The following DPYD variants were observed in gnomAD, a reference collection of about 807,000 sequenced individuals.
The protein encoded by DPYD is dihydropyrimidine dehydrogenase.
A neutral mutation model predicts 116.2 loss-of-function variants in DPYD; 109 were observed. That is an observed-to-expected ratio of 0.94 (90% CI 0.80 to 1.10). The LOEUF (loss-of-function observed/expected upper bound fraction) is 1.10. Ranked by LOEUF, DPYD falls within the 50% of genes least tolerant of loss-of-function variation. The probability of loss-of-function intolerance (pLI) is 0.00; values close to 1 mark genes in which losing one functional copy is unlikely to be tolerated. For synonymous variants in DPYD, 440 were observed against 432.0 expected (o/e 1.02, Z -0.23); for missense variants, 1,302 against 1,254.5 (o/e 1.04, Z -0.57).
chr1:97,866,378 G>C (rs982645247), intron 2 of DPYD, among the ~76,000 whole-genome samples: 9 of 151,872 alleles, frequency 5.9e-5, no homozygotes, highest in African/African-American at 2.2e-4. Context: ...AGAAGCAAAT[G>C]AATTTGAAAA....
At chr1:97,131,872 T>C (rs1252051100) in intron 20 of DPYD, among the ~76,000 whole-genome samples, 2 of 152,216 alleles carry the variant, frequency 1.3e-5, no homozygotes, top group Non-Finnish European at 2.9e-5. Context: ...GGGTTACCTT[T>C]TTTTGTATTT....
At chr1:97,349,315 CT>C (rs150046527) in intron 16 of DPYD, among the ~76,000 whole-genome samples, 8,071 of 137,284 alleles carry the variant, frequency 0.059, 606 homozygotes, top group East Asian at 0.28. Context: ...AGCAATGATT[CT>C]TTTTTTTTTT....
chr1:97,838,652 T>C (rs1309975330), intron 2 of DPYD, among the ~76,000 whole-genome samples: 1 of 151,710 alleles, frequency 6.6e-6, no homozygotes, highest in African/African-American at 2.4e-5. Context: ...GAGACCATCC[T>C]GGCTAACAAG....
intron 20 of DPYD, among the ~76,000 whole-genome samples, chr1:97,107,191 G>T (rs141590194): frequency 6.6e-6 from 1 of 151,986 alleles, no homozygotes; most frequent in African/African-American, 2.4e-5. Flanking sequence ...CCACCTCTTT[G>T]TTGGTCATCT....
chr1:97,674,252 G>GA (rs1281720805), intron 8 of DPYD, among the ~76,000 whole-genome samples: 1 of 152,116 alleles, frequency 6.6e-6, no homozygotes, highest in East Asian at 1.9e-4. Context: ...ACTTGGTGTT[G>GA]AAAAAGACTA....
At chr1:97,398,503 A>G (rs912113792) in intron 14 of DPYD, among the ~76,000 whole-genome samples, 3 of 151,760 alleles carry the variant, frequency 2.0e-5, no homozygotes, top group Non-Finnish European at 4.4e-5. Flanking sequence ...CTAGTTCTAG[A>G]TCCCTGAGGA....
chr1:97,524,621 T>A lies in DPYD; in HGVS notation c.1525-8680A>T, dbSNP rs553576835. ...CCAAGAATATTTCTGGATGTTTCAG[T>A]TACTGAGCATCCAGGAAGCCTCACC... On this transcript the variant is annotated intron_variant, in intron 12 of 22. Transcript: ENST00000370192. Among the ~76,000 whole-genome samples, 16 of 152,316 alleles carry A rather than the reference T, an allele frequency of 1.1e-4. No individual in the cohort carries two copies. In the South Asian group the frequency reaches 3.1e-3, roughly 30 times the overall value.
chr1:97,814,526 A>G (rs1668484116), intron 3 of DPYD, among the ~76,000 whole-genome samples: 1 of 152,192 alleles, frequency 6.6e-6, no homozygotes, highest in Non-Finnish European at 1.5e-5. Flanking sequence ...TAGCTTTAAC[A>G]GGAATTTTTA....
chr1:97,852,991 C>T (rs1186885414), intron 2 of DPYD, among the ~76,000 whole-genome samples: 1 of 152,156 alleles, frequency 6.6e-6, no homozygotes, highest in Admixed American at 6.5e-5. Flanking sequence ...CATGACATCA[C>T]TTCTAGGCAG....
intron 20 of DPYD, among the ~76,000 whole-genome samples, chr1:97,113,473 T>C (rs1422868458): frequency 2.0e-5 from 3 of 152,122 alleles, no homozygotes; most frequent in Non-Finnish European, 4.4e-5. Context: ...GGGGGGATTA[T>C]GTGTGGAATT....
At chr1:97,535,287 CT>C (rs1649912560) in intron 12 of DPYD, among the ~76,000 whole-genome samples, 1 of 152,116 alleles carries the variant, frequency 6.6e-6, no homozygotes, top group East Asian at 1.9e-4. Context: ...TATTTAAATT[CT>C]CCACAGCAAA....
chr1:97,273,959 T>A (rs749362545), intron 18 of DPYD, among the ~76,000 whole-genome samples: 1 of 152,140 alleles, frequency 6.6e-6, no homozygotes, highest in Non-Finnish European at 1.5e-5. Context: ...CAGGGTAAAG[T>A]TGAAGGAAAC....
At chr1:97,571,639 C>T (rs887625340) in intron 11 of DPYD, among the ~76,000 whole-genome samples, 2 of 151,822 alleles carry the variant, frequency 1.3e-5, no homozygotes, top group Non-Finnish European at 2.9e-5. Flanking sequence ...AGGTACCATC[C>T]AGAAATGACA....
intron 12 of DPYD, among the ~76,000 whole-genome samples, chr1:97,518,204 G>C (rs375331276): frequency 8.0e-4 from 115 of 144,408 alleles, no homozygotes; most frequent in Admixed American, 1.5e-3. Flanking sequence ...CACACACACA[G>C]ACACAATTCT....
At chr1:97,182,286 T>G (rs1323572088) in intron 20 of DPYD, among the ~76,000 whole-genome samples, 4 of 152,160 alleles carry the variant, frequency 2.6e-5, no homozygotes, top group Non-Finnish European at 5.9e-5. Context: ...GCATTCTACT[T>G]AAGATATCAC....
At chr1:97,572,828 C>T (rs1309607144) in intron 11 of DPYD, among the ~76,000 whole-genome samples, 1 of 151,884 alleles carries the variant, frequency 6.6e-6, no homozygotes, top group Non-Finnish European at 1.5e-5. Context: ...CTAGTTGAAT[C>T]CTTTACTTAT....
chr1:97,502,849 T>TA (rs989524120), intron 13 of DPYD, among the ~76,000 whole-genome samples: 24 of 152,020 alleles, frequency 1.6e-4, no homozygotes, highest in African/African-American at 4.8e-4. Flanking sequence ...TATATTTATT[T>TA]AAAAAAAATT....
At chr1:97,472,060 C>A (rs932297957) in intron 13 of DPYD, among the ~76,000 whole-genome samples, 2 of 146,742 alleles carry the variant, frequency 1.4e-5, no homozygotes, top group African/African-American at 2.5e-5. Flanking sequence ...GGAAAAGAGT[C>A]ATACAAAAAA....
At chr1:97,478,751 T>C (rs922305710) in intron 13 of DPYD, among the ~76,000 whole-genome samples, 4 of 152,246 alleles carry the variant, frequency 2.6e-5, no homozygotes, top group African/African-American at 9.6e-5. Flanking sequence ...CTAGATGGCA[T>C]CTTCTTCCAA....
Sources: gnomAD v4.1 joint callset for allele counts (sites outside exome capture counted in the v4.1 genomes callset) on GRCh38, gnomAD v4.1.1 for gene constraint, MANE v1.5 for transcripts, NCBI Gene and HGNC (gene_info 2026-07-23, HGNC 2026-07-21) for gene names.